The following RSPH14 variants were observed in gnomAD, a reference collection of about 807,000 sequenced individuals.
The protein encoded by RSPH14 is radial spoke head 14 homolog.
In RSPH14, 20 loss-of-function variants were observed where a neutral mutation model predicts 26.7. The observed-to-expected ratio is 0.75, with a 90% CI of 0.53 to 1.09. The LOEUF (loss-of-function observed/expected upper bound fraction) is 1.09. RSPH14 is among the 50% of genes least tolerant of loss of function. The pLI is 0.00. For synonymous variants in RSPH14, 177 were observed against 189.3 expected, an observed-to-expected ratio of 0.93 and a Z score of 0.53; for missense variants, 449 against 457.2, an observed-to-expected ratio of 0.98 and a Z score of 0.16.
At chr22:23,084,192 A>G (rs941318290) in intron 4 of RSPH14, among the ~76,000 whole-genome samples, 8 of 152,232 alleles carry the variant, frequency 5.3e-5, no homozygotes, top group Non-Finnish European at 1.5e-5. Flanking sequence ...AAATACAAGC[A>G]GTCCCCAACT....
intron 4 of RSPH14, among the ~76,000 whole-genome samples, chr22:23,067,138 G>C (rs1035817987): frequency 1.1e-4 from 17 of 152,194 alleles, no homozygotes; most frequent in African/African-American, 4.1e-4. Flanking sequence ...AGTGGTTGAT[G>C]AGCCAAAGAG....
At chr22:23,158,136 G>C in the RSPH14 span, 1 of 1,564,442 alleles carries the variant, frequency 6.4e-7, no homozygotes, top group Non-Finnish European at 8.6e-7. Context: ...CCCTGACCCC[G>C]TGGTGGGTGT....
chr22:23,148,161 C>G (rs1001900762), upstream of RSPH14, among the ~76,000 whole-genome samples: 7 of 152,042 alleles, frequency 4.6e-5, no homozygotes, highest in Non-Finnish European at 7.4e-5. Flanking sequence ...CCTCCTTCCC[C>G]CTTCTTTACC....
chr22:23,065,005 G>A lies in RSPH14; in HGVS notation c.422-872C>T, dbSNP rs9624018. Reference sequence around the variant, plus strand: ...TGCACAGTGCCCTTCCCTACGGCACGCAGCTGCCCTCGCCACTGCCCTGCA... The same window carrying A: ...TGCACAGTGCCCTTCCCTACGGCACACAGCTGCCCTCGCCACTGCCCTGCA... On this transcript the variant is annotated intron_variant, in intron 4 of 6. Coordinates refer to ENST00000216036, the MANE Select transcript of RSPH14 (RefSeq NM_014433.3). Among the ~76,000 whole-genome samples, 278 of 152,260 alleles carry A rather than the reference G, an allele frequency of 1.8e-3. 3 individuals are homozygous for A. Among genetic ancestry groups the A allele is most frequent in the African/African-American group, 6.4e-3 (265 of 41,538 alleles).
At position 23,086,742 on chromosome 22, in the gene RSPH14, G is replaced by A. The variant is rs563679912; in HGVS notation, c.422-22609C>T. ...CATGACCAGACCACTGGAGAGAGGG[G>A]AAATGCAGTCATGGGGCTGCAGCAT... is the stretch of plus-strand genomic sequence containing the variant. On this transcript the variant is annotated intron_variant, in intron 4 of 6. Transcript: ENST00000216036. Among the ~76,000 whole-genome samples the A allele has an allele frequency of 4.6e-5, 7 of 152,382 alleles. No individual in the cohort carries two copies. In the South Asian group the frequency reaches 1.2e-3, roughly 27 times the overall value.
chr22:23,130,530 A>AAGAAAG, intron 4 of RSPH14, among the ~76,000 whole-genome samples: 1 of 124,506 alleles, frequency 8.0e-6, no homozygotes, highest in South Asian at 2.7e-4. Flanking sequence ...GAAAGAAAGA[A>AAGAAAG]AGAGAAAGAA....
At chr22:23,081,941 C>G (rs2146274314) in intron 4 of RSPH14, among the ~76,000 whole-genome samples, 1 of 150,412 alleles carries the variant, frequency 6.6e-6, no homozygotes, top group Non-Finnish European at 1.5e-5. Context: ...CTGGCTAACA[C>G]AGTGAAACCT....
chr22:23,075,221 TG>T (rs908767287), intron 4 of RSPH14, among the ~76,000 whole-genome samples: 4 of 151,962 alleles, frequency 2.6e-5, no homozygotes, highest in Non-Finnish European at 5.9e-5. Flanking sequence ...CTTCCCTGAG[TG>T]GGCGGGTGGG....
the RSPH14 span, among the ~76,000 whole-genome samples, chr22:23,151,710 C>T: frequency 6.6e-6 from 1 of 152,180 alleles, no homozygotes; most frequent in African/African-American, 2.4e-5. Flanking sequence ...CACAGCGAGA[C>T]CCTGTCTCTA....
chr22:23,139,013 G>A (rs2070538576), intron 2 of RSPH14, 71 bp from the exon 3 acceptor site: 5 of 1,287,170 alleles, frequency 3.9e-6, no homozygotes, highest in Non-Finnish European at 5.4e-6. Flanking sequence ...AACCAACCCA[G>A]AAGTCAATAA....
chr22:23,152,568 C>T, the RSPH14 span: 3 of 1,586,168 alleles, frequency 1.9e-6, no homozygotes, highest in African/African-American at 4.0e-5. Flanking sequence ...TCCCCCAGCA[C>T]CAGGTTGTCA....
chr22:23,072,971 C>T (rs921454990), intron 4 of RSPH14, among the ~76,000 whole-genome samples: 3 of 152,202 alleles, frequency 2.0e-5, no homozygotes, highest in Non-Finnish European at 4.4e-5. Flanking sequence ...CCAGGGCCCC[C>T]GCAGAGAGGC....
rs368611295 is a variant in RSPH14, at chr22:23,059,542, T to C, written c.967A>G (p.Thr323Ala). 25 of 1,614,042 alleles carry C rather than the reference T, an allele frequency of 1.5e-5. No individual in the cohort carries two copies. Among genetic ancestry groups the C allele is most frequent in the Non-Finnish European group, 1.9e-5 (23 of 1,180,014 alleles). ...TCGGCCACTTGAGGCTTTTCGTAAG[T>C]CTCCACCTCCATGGCACGGAAAGTG... ...VPTFRAMEVETYEKPQVAEAL... is the reference protein window; with the variant it reads ...VPTFRAMEVEAYEKPQVAEAL... Residue 323 changes from threonine (T) to alanine (A), a missense_variant, in exon 7 of 7, where the codon ACT (threonine) becomes GCT (alanine). By Grantham distance (58) the Thr-to-Ala change is moderately conservative. Coordinates refer to ENST00000216036, the MANE Select transcript of RSPH14 (RefSeq NM_014433.3).
At chr22:23,178,168 G>A in the RSPH14 span, among the ~76,000 whole-genome samples, 2 of 152,174 alleles carry the variant, frequency 1.3e-5, no homozygotes, top group African/African-American at 4.8e-5. Flanking sequence ...TGTAATTCCA[G>A]CACTACAGGA....
the RSPH14 span, among the ~76,000 whole-genome samples, chr22:23,151,185 T>C: frequency 6.6e-6 from 1 of 152,194 alleles, no homozygotes; most frequent in Non-Finnish European, 1.5e-5. Context: ...GAGATCAGAA[T>C]AGCCGAAGTG....
chr22:23,117,578 A>G (rs913634155), intron 4 of RSPH14, among the ~76,000 whole-genome samples: 4 of 152,246 alleles, frequency 2.6e-5, no homozygotes, highest in Non-Finnish European at 5.9e-5. Context: ...AGGACGTCCC[A>G]GTGCCAAGGC....
At chr22:23,069,298 G>A (rs561253292) in intron 4 of RSPH14, among the ~76,000 whole-genome samples, 16 of 152,326 alleles carry the variant, frequency 1.1e-4, no homozygotes, top group Middle Eastern at 3.4e-3. Context: ...GATAAGGAAC[G>A]CGTTAGCTGG....
At chr22:23,083,862 G>T (rs1295043277) in intron 4 of RSPH14, among the ~76,000 whole-genome samples, 1 of 152,238 alleles carries the variant, frequency 6.6e-6, no homozygotes, top group African/African-American at 2.4e-5. Flanking sequence ...GTCCACTGGG[G>T]TTCCAGGGAT....
At chr22:23,080,856 T>C (rs781531404) in intron 4 of RSPH14, among the ~76,000 whole-genome samples, 1 of 152,250 alleles carries the variant, frequency 6.6e-6, no homozygotes, top group Non-Finnish European at 1.5e-5. Flanking sequence ...TCATCAGCAC[T>C]CACTGGATTA....
Sources: gnomAD v4.1 joint callset for allele counts (sites outside exome capture counted in the v4.1 genomes callset) on GRCh38, gnomAD v4.1.1 for gene constraint, MANE v1.5 for transcripts, NCBI Gene and HGNC (gene_info 2026-07-23, HGNC 2026-07-21) for gene names.